ZNF79: variants seen among roughly 807,000 people sequenced by gnomAD.
ZNF79 encodes the protein zinc finger protein 79, also known as ZNFpT7.
Under a neutral mutation model 14.9 loss-of-function variants are expected in ZNF79, and 13 were observed. The observed-to-expected ratio is 0.87, with a 90% CI of 0.57 to 1.38. The LOEUF is 1.38. ZNF79 is among the 40% of genes most tolerant of loss of function. The pLI, the probability that ZNF79 is intolerant of heterozygous loss-of-function variation, is 0.00. For missense variants in ZNF79, 631 were observed against 630.6 expected (o/e 1.00, Z -0.01); for synonymous variants, 223 against 235.1 (o/e 0.95, Z 0.47).
chr9:127,429,257 C>G (rs1279210078), intron 2 of ZNF79, among the ~76,000 whole-genome samples: 1 of 152,020 alleles, frequency 6.6e-6, no homozygotes, highest in Non-Finnish European at 1.5e-5. Context: ...CTCAACTGAT[C>G]TGCCCGACTT....
At chr9:127,434,591 G>A (rs543695086) in intron 2 of ZNF79, among the ~76,000 whole-genome samples, 2 of 152,266 alleles carry the variant, frequency 1.3e-5, no homozygotes, top group East Asian at 3.9e-4. Context: ...AGTGGTGTGT[G>A]TGTGTGTATG....
At chr9:127,438,361 T>C (rs1833986404) in intron 4 of ZNF79, among the ~76,000 whole-genome samples, 1 of 152,166 alleles carries the variant, frequency 6.6e-6, no homozygotes, top group African/African-American at 2.4e-5. Context: ...GAAGCACTTA[T>C]TTTAGAAAAG....
intron 4 of ZNF79, among the ~76,000 whole-genome samples, chr9:127,443,565 G>A (rs965614652): frequency 1.3e-5 from 2 of 152,056 alleles, no homozygotes; most frequent in African/African-American, 2.4e-5. Flanking sequence ...ATGACATTAC[G>A]ATGGCTTTGA....
chr9:127,443,500 C>T (rs966457376), intron 4 of ZNF79, among the ~76,000 whole-genome samples: 2 of 152,138 alleles, frequency 1.3e-5, no homozygotes, highest in South Asian at 2.1e-4. Flanking sequence ...TGACTGGCAG[C>T]GCAGTAAGTT....
At chr9:127,437,306 C>T (rs1291176287) in intron 4 of ZNF79, among the ~76,000 whole-genome samples, 1 of 150,060 alleles carries the variant, frequency 6.7e-6, no homozygotes, top group Non-Finnish European at 1.5e-5. Flanking sequence ...TGGCAGGGAG[C>T]CTCCCTGGCC....
Position 127,444,987 on chromosome 9 carries a change from C to T in ZNF79, c.1287C>T (p.Ser429=). The T allele has an allele frequency of 1.9e-6, 3 of 1,614,158 alleles. No individual in the cohort carries two copies. Among genetic ancestry groups the T allele is most frequent in the Middle Eastern group, 1.6e-4 (1 of 6,062 alleles). The change falls in exon 5 of 5, where the codon AGC becomes AGT. Residue 429 remains serine (S), a synonymous_variant. Coordinates refer to ENST00000342483, the MANE Select transcript of ZNF79 (RefSeq NM_007135.3). ...CNECGKFFSE[S]SALIRHHIIH... ...AATGTGGGAAATTCTTCAGTGAGAG[C>T]TCAGCCCTCATTCGGCATCATATAA...
chr9:127,428,863 A>G lies in ZNF79; in HGVS notation c.48A>G (p.Gln16=), dbSNP rs1287638306. The G allele has an allele frequency of 3.1e-6, 5 of 1,605,922 alleles. No homozygotes were observed. In the East Asian group the frequency reaches 6.8e-5, roughly 22 times the overall value. Residue 16 remains glutamine, a synonymous_variant, in exon 2 of 5, where the codon CAA becomes CAG. Coordinates refer to ENST00000342483, the MANE Select transcript of ZNF79 (RefSeq NM_007135.3). ...VLPSPGPALP[Q]EENTGEEGMA... ...CTTCCCCAGGCCCTGCCCTTCCCCAAGAGGAAAACACAGGAGAGGAAGGAA... is the reference window on the plus strand; with the variant it reads ...CTTCCCCAGGCCCTGCCCTTCCCCAGGAGGAAAACACAGGAGAGGAAGGAA...
intron 1 of ZNF79, among the ~76,000 whole-genome samples, chr9:127,425,860 T>C (rs527257867): frequency 6.6e-6 from 1 of 152,350 alleles, no homozygotes; most frequent in Admixed American, 6.5e-5. Flanking sequence ...CCCAAAGTGC[T>C]GGGATTACAG....
rs112707707 is a variant in ZNF79 at position 127,432,490 on chromosome 9, C to T, written c.106-2600C>T. On this transcript the variant is annotated intron_variant, in intron 2 of 4. Coordinates refer to ENST00000342483, the MANE Select transcript of ZNF79 (RefSeq NM_007135.3). ...AACTTCTTGAGTTGAATCCTTAACT[C>T]ACCTTCTTCCTTGTTTACGTTGAAA... Among the ~76,000 whole-genome samples, 279 of 151,808 alleles carry T rather than the reference C, an allele frequency of 1.8e-3. 1 individual carries two copies. Among genetic ancestry groups the T allele is most frequent in the Non-Finnish European group, 3.1e-3 (214 of 67,948 alleles).
In ZNF79 at chr9:127,444,189, G is replaced by T; in HGVS notation, c.489G>T (p.Val163=). Residue 163 remains valine (V), a synonymous_variant, in exon 5 of 5, where the codon GTG becomes GTT. Coordinates refer to ENST00000342483, the MANE Select transcript of ZNF79 (RefSeq NM_007135.3). ...CAGTCCTCTCTCCGCAACAGAGAGT[G>T]CCCGTGGAAGCGAGACCTCGCAAAT... ...LRPVLSPQQR[V]PVEARPRKCE... is the part of the protein sequence containing the mutation. The T allele has an allele frequency of 6.2e-7, 1 of 1,614,060 alleles. No homozygotes were observed. The highest frequency in any genetic ancestry group is 8.5e-7 in the Non-Finnish European group (1 of 1,180,032).
intron 1 of ZNF79, among the ~76,000 whole-genome samples, chr9:127,425,067 G>A (rs1005363388): frequency 6.6e-6 from 1 of 152,174 alleles, no homozygotes; most frequent in African/African-American, 2.4e-5. Context: ...ATTGTACCAC[G>A]TACCCCAGTC....
At chr9:127,428,750 C>T (rs986622055) in intron 1 of ZNF79, 82 bp from the exon 2 acceptor site, 1 of 1,310,620 alleles carries the variant, frequency 7.6e-7, no homozygotes, top group African/African-American at 1.5e-5. Context: ...GCCCTGATAC[C>T]TGCTATGTCC....
chr9:127,436,153 C>T (rs1404951561), intron 4 of ZNF79, 150 bp downstream of exon 4: 2 of 667,750 alleles, frequency 3.0e-6, no homozygotes, highest in East Asian at 5.6e-5. Flanking sequence ...GAAAGGCTGG[C>T]TCACTGGTTC....
intron 4 of ZNF79, among the ~76,000 whole-genome samples, chr9:127,436,903 A>G (rs1833957434): frequency 1.3e-5 from 2 of 151,960 alleles, no homozygotes; most frequent in Non-Finnish European, 2.9e-5. Context: ...CTAAAAATAC[A>G]AAAAAATCAG....
intron 1 of ZNF79, among the ~76,000 whole-genome samples, chr9:127,426,541 A>AT (rs1833758565): frequency 6.6e-6 from 1 of 151,962 alleles, no homozygotes; most frequent in African/African-American, 2.4e-5. Context: ...CACCCAGCTA[A>AT]TTTTTTGTAT....
intron 2 of ZNF79, 95 bp from the exon 3 acceptor site, chr9:127,434,995 A>C: frequency 1.4e-6 from 2 of 1,422,056 alleles, no homozygotes; most frequent in South Asian, 2.9e-5. Context: ...CTTTTCAAAG[A>C]CTTTTCCAGC....
intron 1 of ZNF79, among the ~76,000 whole-genome samples, chr9:127,427,626 C>G (rs1209871798): frequency 6.7e-6 from 1 of 149,302 alleles, no homozygotes; most frequent in Non-Finnish European, 1.5e-5. Flanking sequence ...ACTGCAACCT[C>G]TGCCTCCTGG....
chr9:127,439,647 G>C (rs1834015819), intron 4 of ZNF79, among the ~76,000 whole-genome samples: 2 of 152,144 alleles, frequency 1.3e-5, no homozygotes. Flanking sequence ...CTTCTGTGGT[G>C]GGTGTTAACA....
chr9:127,444,581 A>G lies in ZNF79; in HGVS notation c.881A>G (p.Gln294Arg), dbSNP rs1324874442. 2 of 1,613,908 alleles carry G rather than the reference A, an allele frequency of 1.2e-6. No homozygotes were observed. Among genetic ancestry groups the G allele is most frequent in the Non-Finnish European group, 1.7e-6 (2 of 1,180,002 alleles). Residue 294 changes from glutamine (Q) to arginine (R), a missense_variant, in exon 5 of 5, where the codon CAG (glutamine) becomes CGG (arginine). Coordinates refer to ENST00000342483, the MANE Select transcript of ZNF79 (RefSeq NM_007135.3). Reference protein sequence around the residue: ...KAFSDCSALVQHQRIHTGEKP... With the variant: ...KAFSDCSALVRHQRIHTGEKP... Reference sequence around the variant, plus strand: ...TTCAGTGACTGCTCAGCTCTTGTTCAGCATCAGAGAATTCATACCGGAGAG... The same window carrying G: ...TTCAGTGACTGCTCAGCTCTTGTTCGGCATCAGAGAATTCATACCGGAGAG...
Sources: allele counts gnomAD v4.1 joint callset (sites outside exome capture counted in the v4.1 genomes callset), GRCh38; gene constraint gnomAD v4.1.1; transcripts MANE v1.5; gene names NCBI Gene and HGNC (gene_info 2026-07-23, HGNC 2026-07-21).